PCOLCE2: variants seen among roughly 807,000 people sequenced by gnomAD.
PCOLCE2 encodes procollagen C-endopeptidase enhancer 2, also known as procollagen C-proteinase enhancer 2.
PCOLCE2 carries 42 observed loss-of-function variants against 47.0 expected under a neutral mutation model. That is an observed-to-expected ratio of 0.89 (90% confidence interval 0.70 to 1.16). The LOEUF is 1.16. PCOLCE2 is among the 50% of genes most tolerant of loss of function. The pLI, the probability that PCOLCE2 is intolerant of heterozygous loss-of-function variation, is 0.00. For missense variants in PCOLCE2, 500 were observed against 526.1 expected (o/e 0.95, Z 0.49); for synonymous variants, 169 against 191.7 (o/e 0.88, Z 0.98).
intron 8 of PCOLCE2, among the ~76,000 whole-genome samples, chr3:142,820,106 A>T (rs892557895): frequency 2.0e-5 from 3 of 146,974 alleles, no homozygotes; most frequent in Non-Finnish European, 4.5e-5. Context: ...AAGGAACTTA[A>T]ATTTTTTTTT....
At chr3:142,828,687 G>A (rs915753745) in intron 6 of PCOLCE2, among the ~76,000 whole-genome samples, 10 of 152,202 alleles carry the variant, frequency 6.6e-5, no homozygotes, top group African/African-American at 2.4e-4. Context: ...CAGTCACATT[G>A]TGTCCAGGAA....
intron 2 of PCOLCE2, among the ~76,000 whole-genome samples, chr3:142,853,360 A>G (rs543765138): frequency 6.6e-6 from 1 of 152,110 alleles, no homozygotes; most frequent in Non-Finnish European, 1.5e-5. Flanking sequence ...GCTCTGTCCA[A>G]TTAGCAGTGC....
chr3:142,825,266 G>A (rs550676933), intron 6 of PCOLCE2, among the ~76,000 whole-genome samples: 185 of 152,252 alleles, frequency 1.2e-3, no homozygotes, highest in Non-Finnish European at 2.0e-3. Flanking sequence ...TCTGGAAGTG[G>A]GGTGGGTGTC....
chr3:142,866,311 G>A (rs1933282682), intron 2 of PCOLCE2, among the ~76,000 whole-genome samples: 1 of 152,050 alleles, frequency 6.6e-6, no homozygotes, highest in African/African-American at 2.4e-5. Context: ...CCTGCCCTCG[G>A]ATATCAGAAC....
At chr3:142,844,558 TTGG>T (rs1260054312) in intron 3 of PCOLCE2, among the ~76,000 whole-genome samples, 2 of 152,216 alleles carry the variant, frequency 1.3e-5, no homozygotes, top group Non-Finnish European at 2.9e-5. Flanking sequence ...TTGCTACCAC[TTGG>T]TGGTGTCAGT....
chr3:142,857,663 CA>C (rs768198472), intron 2 of PCOLCE2, among the ~76,000 whole-genome samples: 1 of 152,168 alleles, frequency 6.6e-6, no homozygotes, highest in East Asian at 1.9e-4. Context: ...CAGAACTGTC[CA>C]GGACAAATGT....
chr3:142,882,397 C>G (rs1933642167), intron 2 of PCOLCE2, among the ~76,000 whole-genome samples: 1 of 151,876 alleles, frequency 6.6e-6, no homozygotes, highest in Non-Finnish European at 1.5e-5. Flanking sequence ...TAGGTGGACC[C>G]CAAGACTAAA....
intron 6 of PCOLCE2, chr3:142,827,009 G>C (rs563730100): frequency 9.7e-6 from 7 of 722,866 alleles, no homozygotes; most frequent in Admixed American, 2.1e-5. Context: ...AGGTCATCTC[G>C]TTCTTGATCA....
At chr3:142,851,463 G>A (rs1252212534) in intron 2 of PCOLCE2, among the ~76,000 whole-genome samples, 1 of 152,096 alleles carries the variant, frequency 6.6e-6, no homozygotes, top group Non-Finnish European at 1.5e-5. Flanking sequence ...TGAAGACATA[G>A]GCAAGGGAGT....
At chr3:142,820,052 A>G (rs1936994611) in intron 8 of PCOLCE2, among the ~76,000 whole-genome samples, 2 of 152,142 alleles carry the variant, frequency 1.3e-5, no homozygotes, top group African/African-American at 2.4e-5. Flanking sequence ...ATATGATTCC[A>G]TAAGTGTATA....
intron 2 of PCOLCE2, among the ~76,000 whole-genome samples, chr3:142,875,225 G>T (rs920657320): frequency 2.0e-5 from 3 of 152,116 alleles, no homozygotes; most frequent in African/African-American, 7.2e-5. Context: ...TAAACAAGGC[G>T]TAAGTTGTAA....
At chr3:142,830,358 A>G (rs917420754) in intron 5 of PCOLCE2, among the ~76,000 whole-genome samples, 3 of 152,236 alleles carry the variant, frequency 2.0e-5, no homozygotes, top group Non-Finnish European at 4.4e-5. Flanking sequence ...AATCTGGTGA[A>G]CAAATTCCCA....
At chr3:142,869,013 C>T (rs181418577) in intron 2 of PCOLCE2, among the ~76,000 whole-genome samples, 99 of 152,206 alleles carry the variant, frequency 6.5e-4, no homozygotes, top group African/African-American at 2.2e-3. Context: ...AGACCTTGGC[C>T]GGGTGCGGTG....
chr3:142,887,638 C>T, intron 2 of PCOLCE2, 31 bp downstream of exon 2: 1 of 1,150,510 alleles, frequency 8.7e-7, no homozygotes, highest in Non-Finnish European at 1.3e-6. Flanking sequence ...ACACCCACTT[C>T]CAGGAGAATA....
At chr3:142,878,288 C>T (rs939241075) in intron 2 of PCOLCE2, among the ~76,000 whole-genome samples, 6 of 152,136 alleles carry the variant, frequency 3.9e-5, no homozygotes, top group East Asian at 1.9e-4. Flanking sequence ...CCATTTATTT[C>T]GGGATGTTTA....
intron 2 of PCOLCE2, among the ~76,000 whole-genome samples, chr3:142,871,532 G>A (rs1015567258): frequency 6.6e-6 from 1 of 152,218 alleles, no homozygotes; most frequent in Non-Finnish European, 1.5e-5. Flanking sequence ...TTTTGTAGAT[G>A]TGGTTAACAT....
chr3:142,841,788 T>C (rs1267431386), intron 4 of PCOLCE2, among the ~76,000 whole-genome samples: 5 of 152,214 alleles, frequency 3.3e-5, no homozygotes, highest in Admixed American at 6.5e-5. Flanking sequence ...GAAAGGTTAA[T>C]TTAGAAAAGT....
At chr3:142,830,797 A>G (rs1328868771) in intron 5 of PCOLCE2, among the ~76,000 whole-genome samples, 3 of 152,266 alleles carry the variant, frequency 2.0e-5, no homozygotes, top group Admixed American at 1.3e-4. Context: ...AAACTAATTC[A>G]GAAGTAGAAA....
intron 2 of PCOLCE2, among the ~76,000 whole-genome samples, chr3:142,856,948 A>G (rs1933071334): frequency 6.6e-6 from 1 of 151,262 alleles, no homozygotes; most frequent in South Asian, 2.1e-4. Context: ...AAAAATTTTT[A>G]AAAAGCATTA....
Sources: gnomAD v4.1 joint callset for allele counts (sites outside exome capture counted in the v4.1 genomes callset) on GRCh38, gnomAD v4.1.1 for gene constraint, MANE v1.5 for transcripts, NCBI Gene and HGNC (gene_info 2026-07-23, HGNC 2026-07-21) for gene names.